Variants in SNX8 observed in about 807,000 individuals in gnomAD.
SNX8 encodes sorting nexin 8, also known as sorting nexin-8.
Under a neutral mutation model 51.6 loss-of-function variants are expected in SNX8, and 25 were observed. The observed-to-expected ratio is 0.48, with a 90% CI of 0.35 to 0.68. SNX8 has a LOEUF of 0.68. Among genes scored for constraint, SNX8 ranks in the 30% least tolerant of loss-of-function variants. The probability of loss-of-function intolerance (pLI) is 0.00; values close to 1 mark genes in which losing one functional copy is unlikely to be tolerated. For missense variants in SNX8, 695 were observed against 624.0 expected (o/e 1.11, Z -1.21); for synonymous variants, 324 against 277.0 (o/e 1.17, Z -1.68).
chr7:2,287,073 G>A (rs1796046945), intron 1 of SNX8, among the ~76,000 whole-genome samples: 1 of 151,620 alleles, frequency 6.6e-6, no homozygotes, highest in African/African-American at 2.4e-5. Flanking sequence ...AGGAGGCAGA[G>A]GTTGCAGTGA....
Position 2,314,353 on chromosome 7 carries a change from G to C in SNX8, c.69C>G (p.Asp23Glu), listed in dbSNP as rs771373456. The change falls in exon 1 of 11, where the codon GAC becomes GAG. Residue 23 changes from aspartate (D) to glutamate (E), a missense_variant. Transcript: ENST00000222990. Reference sequence around the variant, plus strand: ...CTGACGCCGGGGGATCCGCCTCCTCGTCAGCCTCCGCCTCAGCTGCCGCCC... The same window carrying C: ...CTGACGCCGGGGGATCCGCCTCCTCCTCAGCCTCCGCCTCAGCTGCCGCCC... ...AVGAAAEAEA[D>E]EEADPPASDL... 7.4e-6 allele frequency: 9 copies of C among 1,224,114 alleles called. No homozygotes were observed. The highest frequency in any genetic ancestry group is 1.6e-5 in the African/African-American group (1 of 64,082). The allele number at this position is 1,224,114 out of a possible 1,614,324, so 75.8% of individuals were successfully genotyped here. A position where few individuals can be genotyped will look rare whatever the true frequency, so the allele number is the denominator to read the frequency against.
intron 1 of SNX8, among the ~76,000 whole-genome samples, chr7:2,351,571 G>A (rs924155846): frequency 1.3e-4 from 19 of 150,868 alleles, no homozygotes; most frequent in African/African-American, 2.7e-4. Context: ...AGTGGCTCAC[G>A]CCTGTAATCC....
chr7:2,297,147 C>T lies in SNX8; in HGVS notation c.94+17181G>A, dbSNP rs139094846. On this transcript the variant is annotated intron_variant, in intron 1 of 10. Coordinates refer to ENST00000222990, the MANE Select transcript of SNX8 (RefSeq NM_013321.4). ...GCTACCGATGGGAATGAAATTAGTACAGCCTTTGCGGAAAACAGTATGGAG... is the reference window on the plus strand; with the variant it reads ...GCTACCGATGGGAATGAAATTAGTATAGCCTTTGCGGAAAACAGTATGGAG... Among the ~76,000 whole-genome samples the T allele has an allele frequency of 8.9e-4, 136 of 152,048 alleles. 3 individuals carry two copies. The highest frequency in any genetic ancestry group is 3.0e-3 in the African/African-American group (124 of 41,376).
intron 1 of SNX8, among the ~76,000 whole-genome samples, chr7:2,338,144 G>A (rs1278276112): frequency 1.3e-5 from 2 of 151,878 alleles, no homozygotes; most frequent in Non-Finnish European, 2.9e-5. Context: ...TGGGCAATAT[G>A]GCGAAACCCC....
intron 1 of SNX8, among the ~76,000 whole-genome samples, chr7:2,287,175 G>T (rs779369183): frequency 6.6e-6 from 1 of 151,400 alleles, no homozygotes; most frequent in African/African-American, 2.4e-5. Context: ...TAGAGATAGG[G>T]TCTCGCCATG....
At chr7:2,347,591 T>C (rs907809209) in intron 1 of SNX8, among the ~76,000 whole-genome samples, 4 of 148,582 alleles carry the variant, frequency 2.7e-5, no homozygotes, top group African/African-American at 9.8e-5. Flanking sequence ...GAAGTTCAGA[T>C]GATTTGGGGC....
At chr7:2,272,046 A>C in intron 3 of SNX8, 75 bp from the exon 4 acceptor site, 1 of 1,590,214 alleles carries the variant, frequency 6.3e-7, no homozygotes, top group Middle Eastern at 1.7e-4. Flanking sequence ...CGAGTTCTCA[A>C]AACTCTCCCT....
chr7:2,317,158 G>C (rs1170025731), upstream of SNX8, among the ~76,000 whole-genome samples: 1 of 150,232 alleles, frequency 6.7e-6, no homozygotes, highest in Non-Finnish European at 1.5e-5. Flanking sequence ...CAGATGCTGT[G>C]GTCATTCCAG....
intron 1 of SNX8, among the ~76,000 whole-genome samples, chr7:2,351,969 G>A (rs1371526018): frequency 2.3e-5 from 3 of 132,860 alleles, no homozygotes; most frequent in Non-Finnish European, 3.1e-5. Context: ...GTGAAATGGT[G>A]CAATCTCCGC....
intron 1 of SNX8, among the ~76,000 whole-genome samples, chr7:2,297,244 A>C (rs758748513): frequency 6.6e-6 from 1 of 151,718 alleles, no homozygotes; most frequent in Non-Finnish European, 1.5e-5. Context: ...CACCCAAAAG[A>C]AAAGAAATAA....
chr7:2,289,563 C>T (rs1038218028), intron 1 of SNX8, among the ~76,000 whole-genome samples: 6 of 152,112 alleles, frequency 3.9e-5, no homozygotes, highest in African/African-American at 9.7e-5. Context: ...TTTCCCTTTA[C>T]GTTATAACCA....
At position 2,329,413 on chromosome 7, in the gene SNX8, C is replaced by T. The variant is rs1433662958; in HGVS notation, c.-66+24809G>A. On this transcript the variant is annotated intron_variant, in intron 1 of 5. Coordinates refer to the SNX8 transcript ENST00000435336. ...GTCAGCACCCTATTGCCGGCCTAGT[C>T]GGCACACAGTTGTGGTGTTATGAAC... 4.6e-5 allele frequency among the ~76,000 whole-genome samples: 7 copies of T among 152,342 alleles called. No homozygotes were observed. In the South Asian group the frequency reaches 6.2e-4, roughly 14 times the overall value.
chr7:2,271,309 TG>T (rs1031874322), intron 4 of SNX8, among the ~76,000 whole-genome samples: 22 of 152,260 alleles, frequency 1.4e-4, no homozygotes, highest in African/African-American at 4.6e-4. Flanking sequence ...CTCCGAGCGC[TG>T]GGATTAGAGG....
chr7:2,296,386 C>T (rs532494282), intron 1 of SNX8, among the ~76,000 whole-genome samples: 13 of 152,104 alleles, frequency 8.5e-5, no homozygotes, highest in Non-Finnish European at 1.8e-4. Flanking sequence ...AGCTTGGTCG[C>T]TGCTGGCAGA....
chr7:2,294,564 G>A (rs538343514), intron 1 of SNX8, among the ~76,000 whole-genome samples: 45 of 152,212 alleles, frequency 3.0e-4, no homozygotes, highest in Non-Finnish European at 6.2e-4. Context: ...AGCCAGCAAG[G>A]TGGCTGGGGG....
intron 1 of SNX8, among the ~76,000 whole-genome samples, chr7:2,292,653 C>A (rs949895930): frequency 6.6e-6 from 1 of 152,104 alleles, no homozygotes; most frequent in Admixed American, 6.6e-5. Context: ...CCTCATGATC[C>A]ACCCGCCTCG....
At chr7:2,289,560 T>G (rs79920293) in intron 1 of SNX8, among the ~76,000 whole-genome samples, 2 of 152,158 alleles carry the variant, frequency 1.3e-5, no homozygotes, top group Non-Finnish European at 2.9e-5. Context: ...GCTTTTCCCT[T>G]TACGTTATAA....
chr7:2,314,270 G>A (rs576462754), intron 1 of SNX8, 58 bp downstream of exon 1: 720 of 1,213,642 alleles, frequency 5.9e-4, no homozygotes, highest in South Asian at 8.7e-4. Context: ...CCGTCCGCCG[G>A]GGGTGGTCGG....
At chr7:2,351,553 C>T (rs1437199256) in intron 1 of SNX8, among the ~76,000 whole-genome samples, 1 of 150,646 alleles carries the variant, frequency 6.6e-6, no homozygotes, top group African/African-American at 2.4e-5. Flanking sequence ...TAATAATAGG[C>T]CAGGCGCAGT....
Sources: allele counts gnomAD v4.1 joint callset (sites outside exome capture counted in the v4.1 genomes callset), GRCh38; gene constraint gnomAD v4.1.1; transcripts MANE v1.5; gene names NCBI Gene and HGNC (gene_info 2026-07-23, HGNC 2026-07-21).